Variants in FRK observed in about 807,000 individuals in gnomAD.
FRK encodes tyrosine-protein kinase FRK.
Under a neutral mutation model 56.4 loss-of-function variants are expected in FRK, and 51 were observed. That is an observed-to-expected ratio of 0.90 (90% confidence interval 0.72 to 1.14). The LOEUF (loss-of-function observed/expected upper bound fraction) is 1.14, where lower values mean the gene tolerates loss of function less well. FRK is among the 50% of genes most tolerant of loss of function. FRK has a pLI of 0.00. For synonymous variants in FRK, 245 were observed against 217.9 expected (o/e 1.12, Z -1.10); for missense variants, 570 against 601.4 (o/e 0.95, Z 0.55).
At chr6:116,079,642 G>A in the FRK span, among the ~76,000 whole-genome samples, 5 of 152,246 alleles carry the variant, frequency 3.3e-5, no homozygotes, top group South Asian at 2.1e-4. Context: ...CCAAGCTGGA[G>A]TGCAGTGGCA....
chr6:116,012,470 A>G (rs149680726), intron 1 of FRK, among the ~76,000 whole-genome samples: 2 of 152,360 alleles, frequency 1.3e-5, no homozygotes, highest in African/African-American at 4.8e-5. Context: ...GATATGTAGC[A>G]TACAAAAGCT....
chr6:115,956,926 C>T (rs1773020654), intron 4 of FRK, among the ~76,000 whole-genome samples: 1 of 152,106 alleles, frequency 6.6e-6, no homozygotes, highest in Non-Finnish European at 1.5e-5. Flanking sequence ...CATCTTAACA[C>T]AAAAGGAAAA....
At chr6:115,973,084 C>T (rs1773869519) in intron 2 of FRK, among the ~76,000 whole-genome samples, 1 of 152,166 alleles carries the variant, frequency 6.6e-6, no homozygotes, top group Admixed American at 6.5e-5. Context: ...CCATTTAGTT[C>T]CTTCAAGAGC....
At chr6:116,054,070 A>T (rs1777282743) in intron 1 of FRK, among the ~76,000 whole-genome samples, 1 of 151,898 alleles carries the variant, frequency 6.6e-6, no homozygotes, top group Non-Finnish European at 1.5e-5. Flanking sequence ...TTTCTTAAAA[A>T]TAGTGGCAAT....
chr6:115,992,767 C>T (rs764422332), intron 2 of FRK, among the ~76,000 whole-genome samples: 41 of 151,508 alleles, frequency 2.7e-4, no homozygotes, highest in Non-Finnish European at 5.2e-4. Context: ...GTAATACAAA[C>T]GATTAGACAA....
At chr6:115,946,120 C>T (rs1772441077) in intron 5 of FRK, among the ~76,000 whole-genome samples, 1 of 152,106 alleles carries the variant, frequency 6.6e-6, no homozygotes, top group Non-Finnish European at 1.5e-5. Context: ...TAATATTACT[C>T]TTATATATCC....
chr6:115,994,404 G>T (rs1443227040), intron 2 of FRK, among the ~76,000 whole-genome samples: 1 of 138,184 alleles, frequency 7.2e-6, no homozygotes, highest in Non-Finnish European at 1.5e-5. Context: ...ACATGTGCCT[G>T]TCCTCCTCGC....
chr6:116,071,880 T>C, the FRK span, among the ~76,000 whole-genome samples: 1 of 152,132 alleles, frequency 6.6e-6, no homozygotes, highest in Admixed American at 6.5e-5. Context: ...CAAAAGGAGG[T>C]ACAAATCTAA....
At chr6:116,018,014 G>A (rs2114728404) in intron 1 of FRK, among the ~76,000 whole-genome samples, 1 of 152,298 alleles carries the variant, frequency 6.6e-6, no homozygotes, top group South Asian at 2.1e-4. Flanking sequence ...AGTTCAAACA[G>A]ATACCAGAAA....
the FRK span, among the ~76,000 whole-genome samples, chr6:116,093,187 T>C: frequency 6.6e-6 from 1 of 152,130 alleles, no homozygotes; most frequent in Admixed American, 6.5e-5. Context: ...CCCCTTCCTA[T>C]TAATGATAAG....
intron 4 of FRK, among the ~76,000 whole-genome samples, chr6:115,966,771 T>TC (rs1773596398): frequency 2.0e-5 from 3 of 152,194 alleles, no homozygotes; most frequent in Admixed American, 2.0e-4. Context: ...TGAGTTCAAA[T>TC]CCCAGCTATG....
upstream of FRK, among the ~76,000 whole-genome samples, chr6:116,063,065 T>C (rs1777677783): frequency 1.3e-5 from 2 of 152,254 alleles, no homozygotes; most frequent in South Asian, 4.2e-4. Flanking sequence ...TATAGAGTAG[T>C]TTTTATAATA....
rs1772123555 is a variant in FRK, at chr6:115,939,811, T to C, written c.*2603A>G. ...CTCTTCAAGGAGAACTACAAACCAC[T>C]GCTCAAGGAAATAAGAGAGGACACA... On this transcript the variant is annotated 3_prime_UTR_variant, in exon 8 of 8. Transcript: ENST00000606080. The C allele has an allele frequency of 6.6e-6, 1 of 152,140 alleles. No individual in the cohort carries two copies. Among genetic ancestry groups the C allele is most frequent in the Non-Finnish European group, 1.5e-5 (1 of 68,032 alleles). The allele number at this position is 152,140 out of a possible 1,614,324, so 9.4% of individuals were successfully genotyped here. A position where few individuals can be genotyped will look rare whatever the true frequency, so the allele number is the denominator to read the frequency against.
Position 116,059,848 on chromosome 6 carries a change from C to G in FRK, c.344+120G>C, listed in dbSNP as rs922108836. ...TTCAATTAGTGGTTTCTTGCCAGTA[C>G]TTCCTCATACTTTTTAGGCAACTCT... On this transcript the variant is annotated intron_variant, in intron 1 of 7. Transcript: ENST00000606080. 3.6e-6 allele frequency: 3 copies of G among 842,482 alleles called. No homozygotes were observed. In the African/African-American group the frequency reaches 5.1e-5, roughly 14 times the overall value. The allele number at this position is 842,482 out of a possible 1,614,324, so 52.2% of individuals were successfully genotyped here.
At chr6:115,980,564 G>A (rs938362944) in intron 2 of FRK, among the ~76,000 whole-genome samples, 1 of 152,054 alleles carries the variant, frequency 6.6e-6, no homozygotes, top group African/African-American at 2.4e-5. Context: ...ATTTGTGGAT[G>A]TTTTACTCCC....
At chr6:116,051,163 C>T (rs1777164329) in intron 1 of FRK, among the ~76,000 whole-genome samples, 2 of 152,054 alleles carry the variant, frequency 1.3e-5, no homozygotes, top group Non-Finnish European at 2.9e-5. Context: ...AAATAGTATT[C>T]TAAATGTCTT....
intron 1 of FRK, among the ~76,000 whole-genome samples, chr6:116,024,060 ACAC>A: frequency 1.2e-4 from 1 of 8,324 alleles, no homozygotes; most frequent in Non-Finnish European, 5.5e-4. Context: ...GAGAACTTAC[ACAC>A]ACACACACAC....
chr6:115,957,894 GA>G (rs1478478863), intron 4 of FRK, among the ~76,000 whole-genome samples: 1 of 152,158 alleles, frequency 6.6e-6, no homozygotes, highest in Admixed American at 6.5e-5. Flanking sequence ...TCATTACCAA[GA>G]TAATAGCAAT....
chr6:116,004,094 G>C (rs1375069008), intron 1 of FRK, 96 bp from the exon 2 acceptor site: 9 of 1,109,044 alleles, frequency 8.1e-6, no homozygotes, highest in Non-Finnish European at 1.2e-5. Context: ...TATCAAAAAT[G>C]TTTGGTATTC....
Sources: allele counts gnomAD v4.1 joint callset (sites outside exome capture counted in the v4.1 genomes callset), GRCh38; gene constraint gnomAD v4.1.1; transcripts MANE v1.5; gene names NCBI Gene and HGNC (gene_info 2026-07-23, HGNC 2026-07-21).